TRAF5: variants seen among roughly 807,000 people sequenced by gnomAD.
TRAF5 encodes TNF receptor associated factor 5.
A neutral mutation model predicts 64.5 loss-of-function variants in TRAF5; 48 were observed. The ratio of observed to expected loss-of-function variants is 0.74; its 90% confidence interval spans 0.59 to 0.95. The LOEUF (loss-of-function observed/expected upper bound fraction) is 0.95. Among genes scored for constraint, TRAF5 ranks in the 40% least tolerant of loss-of-function variants. TRAF5 has a pLI of 0.00. For missense variants in TRAF5, 545 were observed against 662.8 expected, an observed-to-expected ratio of 0.82 and a Z score of 1.95; for synonymous variants, 206 against 240.5, an observed-to-expected ratio of 0.86 and a Z score of 1.33.
chr1:211,351,749 C>T (rs1196301173), intron 1 of TRAF5, among the ~76,000 whole-genome samples: 1 of 152,138 alleles, frequency 6.6e-6, no homozygotes. Flanking sequence ...TGCCCTTTCT[C>T]CTTTGTCAAA....
chr1:211,364,342 G>T lies in TRAF5; in HGVS notation c.697-1034G>T, dbSNP rs562914952. Among the ~76,000 whole-genome samples, 8 of 152,308 alleles carry T rather than the reference G, an allele frequency of 5.3e-5. No homozygotes were observed. In the South Asian group the frequency reaches 1.7e-3, roughly 32 times the overall value. On this transcript the variant is annotated intron_variant, in intron 7 of 10. Transcript: ENST00000261464. ...CCATGGCAGCCAGTCCGTGATTGGAGGCAGCATGGAAATGTGCTTGACAGG... is the reference window on the plus strand; with the variant it reads ...CCATGGCAGCCAGTCCGTGATTGGATGCAGCATGGAAATGTGCTTGACAGG...
chr1:211,344,743 C>T (rs1702544815), intron 1 of TRAF5, among the ~76,000 whole-genome samples: 1 of 152,066 alleles, frequency 6.6e-6, no homozygotes, highest in Admixed American at 6.6e-5. Context: ...CTTTCTCCTC[C>T]TTCGTTTTCC....
intron 1 of TRAF5, among the ~76,000 whole-genome samples, chr1:211,333,472 G>A (rs1702213248): frequency 1.3e-5 from 2 of 151,714 alleles, no homozygotes; most frequent in Non-Finnish European, 2.9e-5. Context: ...AAAGTGCTGG[G>A]ATTACAGGCG....
At chr1:211,354,879 C>T (rs898638993) in intron 3 of TRAF5, among the ~76,000 whole-genome samples, 6 of 151,942 alleles carry the variant, frequency 3.9e-5, no homozygotes, top group African/African-American at 1.5e-4. Flanking sequence ...AGTTATTTAC[C>T]TTTTATTGTT....
chr1:211,353,339 C>G lies in TRAF5; in HGVS notation c.100C>G (p.Gln34Glu). 1 of 1,614,216 alleles carries G rather than the reference C, an allele frequency of 6.2e-7. No homozygotes were observed. The highest frequency in any genetic ancestry group is 8.5e-7 in the Non-Finnish European group (1 of 1,180,046). Residue 34 changes from glutamine to glutamate, a missense_variant, in exon 2 of 11, where the codon CAG (glutamine) becomes GAG (glutamate). By Grantham distance (29) the Gln-to-Glu change is conservative. Transcript: ENST00000261464. Reference protein sequence around the residue: ...SLDFEPSIEYQFVERLEERYK... With the variant: ...SLDFEPSIEYEFVERLEERYK... ...GGACTTTGAGCCCAGTATAGAGTAC[C>G]AGTTTGTGGAGCGGTTGGAAGAGCG...
At chr1:211,361,232 C>G (rs890178645) in intron 7 of TRAF5, 70 bp downstream of exon 7, 1 of 1,389,700 alleles carries the variant, frequency 7.2e-7, no homozygotes, top group Admixed American at 1.7e-5. Context: ...TCAGTTTACT[C>G]TCTGTTCCAT....
rs1703620929 is a variant in TRAF5, at chr1:211,374,127, A to G, written c.*1425A>G. 1 of 152,232 alleles carries G rather than the reference A, an allele frequency of 6.6e-6. No individual in the cohort carries two copies. Among genetic ancestry groups the G allele is most frequent in the Admixed American group, 6.5e-5 (1 of 15,282 alleles). 9.4% of individuals were successfully genotyped at this position (152,232 alleles called of 1,614,324 possible). A position where few individuals can be genotyped will look rare whatever the true frequency, so the allele number is the denominator to read the frequency against. On this transcript the variant is annotated 3_prime_UTR_variant, in exon 11 of 11. Transcript: ENST00000261464. ...CAGAATTCTGAGTACTCTGTGAAGAACAGAAATGATCATATTCTTATGCAT... is the reference window on the plus strand; with the variant it reads ...CAGAATTCTGAGTACTCTGTGAAGAGCAGAAATGATCATATTCTTATGCAT...
At chr1:211,334,384 C>G (rs1046167742) in intron 1 of TRAF5, among the ~76,000 whole-genome samples, 2 of 152,158 alleles carry the variant, frequency 1.3e-5, no homozygotes, top group African/African-American at 4.8e-5. Flanking sequence ...ATTGGCTGGG[C>G]GCGGTGGCTC....
rs113781352 is a variant in TRAF5 at position 211,330,291 on chromosome 1, G to A, written c.-2+3402G>A. ...TCACTTACTTTCAGCAGAGCCCCAT[G>A]TCTCATTTCTTGACACCACAGGCTC... is the stretch of plus-strand genomic sequence containing the variant. On this transcript the variant is annotated intron_variant, in intron 1 of 10. Coordinates refer to ENST00000261464, the MANE Select transcript of TRAF5 (RefSeq NM_001033910.3). Among the ~76,000 whole-genome samples the A allele has an allele frequency of 4.0e-3, 601 of 151,880 alleles. 8 individuals carry two copies. Among genetic ancestry groups the A allele is most frequent in the Non-Finnish European group, 6.0e-3 (409 of 67,982 alleles).
rs759864627 is a variant in TRAF5 at position 211,360,399 on chromosome 1, C to T, written c.544-303C>T. On this transcript the variant is annotated intron_variant, in intron 5 of 10. Transcript: ENST00000261464. ...TGTAGCTGGGGAGGCAGGATGCAGG[C>T]ATAAAAAGAAAGCATGGGTACCTTT... The T allele has an allele frequency of 4.0e-4, 193 of 485,724 alleles. 2 individuals are homozygous for T. Among genetic ancestry groups the T allele is most frequent in the Non-Finnish European group, 2.9e-4 (79 of 274,878 alleles). The allele number at this position is 485,724 out of a possible 1,614,324, so 30.1% of individuals were successfully genotyped here.
intron 4 of TRAF5, 89 bp downstream of exon 4, chr1:211,356,557 C>A: frequency 1.7e-6 from 2 of 1,168,298 alleles, no homozygotes; most frequent in South Asian, 1.3e-5. Context: ...CTGAGCTAAG[C>A]ATGGTACAGG....
intron 9 of TRAF5, among the ~76,000 whole-genome samples, chr1:211,370,021 T>C (rs1703473564): frequency 6.6e-6 from 1 of 152,218 alleles, no homozygotes; most frequent in Non-Finnish European, 1.5e-5. Flanking sequence ...AATGCTTCTA[T>C]ATAATTTATA....
Position 211,361,076 on chromosome 1 carries a change from T to A in TRAF5, c.622-12T>A, listed in dbSNP as rs1703162499. The A allele has an allele frequency of 6.2e-7, 1 of 1,613,354 alleles. No individual in the cohort carries two copies. Among genetic ancestry groups the A allele is most frequent in the African/African-American group, 1.3e-5 (1 of 74,914 alleles). ...GATGAATTTCTATAGCTTGTGACTA[T>A]CCATTTCGTAGGTAGATGAACACCT... On this transcript the variant is annotated splice_polypyrimidine_tract_variant and intron_variant, in intron 6 of 10. Coordinates refer to ENST00000261464, the MANE Select transcript of TRAF5 (RefSeq NM_001033910.3).
intron 3 of TRAF5, among the ~76,000 whole-genome samples, chr1:211,355,839 T>C (rs1341066049): frequency 6.6e-6 from 1 of 152,228 alleles, no homozygotes; most frequent in African/African-American, 2.4e-5. Flanking sequence ...TGTTCATAAA[T>C]AGTGTTTTAT....
intron 3 of TRAF5, 148 bp downstream of exon 3, chr1:211,354,615 T>C: frequency 3.9e-6 from 3 of 766,776 alleles, no homozygotes; most frequent in Non-Finnish European, 6.3e-6. Flanking sequence ...CATCAGACCC[T>C]ACTCGTAGCC....
intron 1 of TRAF5, among the ~76,000 whole-genome samples, chr1:211,352,458 A>C (rs1702816535): frequency 6.6e-6 from 1 of 150,886 alleles, no homozygotes. Context: ...AAAAAAAAAA[A>C]AAAGTTTTTT....
chr1:211,366,543 A>G (rs1703361163), intron 8 of TRAF5, among the ~76,000 whole-genome samples: 1 of 152,172 alleles, frequency 6.6e-6, no homozygotes. Context: ...GGGTACAGAG[A>G]CTGCAGCAGT....
intron 1 of TRAF5, among the ~76,000 whole-genome samples, chr1:211,351,751 T>G (rs1456933143): frequency 6.6e-6 from 1 of 152,226 alleles, no homozygotes; most frequent in Non-Finnish European, 1.5e-5. Context: ...CCCTTTCTCC[T>G]TTGTCAAAGG....
At chr1:211,372,106 T>C (rs1423800235) in intron 10 of TRAF5, 22 bp from the exon 11 acceptor site, 4 of 1,518,030 alleles carry the variant, frequency 2.6e-6, no homozygotes, top group Non-Finnish European at 3.5e-6. Flanking sequence ...GAATCTTTTT[T>C]TTTTTTTTTT....
Sources: gnomAD v4.1 joint callset for allele counts (sites outside exome capture counted in the v4.1 genomes callset) on GRCh38, gnomAD v4.1.1 for gene constraint, MANE v1.5 for transcripts, NCBI Gene and HGNC (gene_info 2026-07-23, HGNC 2026-07-21) for gene names.